SOX5: variants seen among roughly 807,000 people sequenced by gnomAD.
SOX5 encodes SRY-box transcription factor 5.
In SOX5, 9 loss-of-function variants were observed where a neutral mutation model predicts 92.0. The ratio of observed to expected loss-of-function variants is 0.10; its 90% CI spans 0.06 to 0.17. The LOEUF (loss-of-function observed/expected upper bound fraction) is 0.17, where lower values mean the gene tolerates loss of function less well. Among genes scored for constraint, SOX5 ranks in the 10% least tolerant of loss-of-function variants. The pLI, the probability that SOX5 is intolerant of heterozygous loss-of-function variation, is 1.00. For missense variants in SOX5, 642 were observed against 944.5 expected (o/e 0.68, Z 4.20); for synonymous variants, 344 against 336.3 (o/e 1.02, Z -0.25).
chr12:23,773,436 A>G (rs2094998794), intron 3 of SOX5, among the ~76,000 whole-genome samples: 1 of 152,146 alleles, frequency 6.6e-6, no homozygotes, highest in Non-Finnish European at 1.5e-5. Context: ...CAGTGGCACA[A>G]TCTCGGCTCG....
rs116815423 is a variant in SOX5 at position 24,387,429 on chromosome 12, G to A, written c.-250-18790C>T. On this transcript the variant is annotated intron_variant, in intron 1 of 4. Transcript: ENST00000446891. ...TATGTGTGACCCAAGACAATTCTTC[G>A]TTTTCCAGTATGACCCAGGGAAGCC... is the stretch of plus-strand genomic sequence containing the variant. Among the ~76,000 whole-genome samples the A allele has an allele frequency of 1.9e-3, 291 of 152,150 alleles. 1 individual carries two copies. Among genetic ancestry groups the A allele is most frequent in the African/African-American group, 6.8e-3 (284 of 41,536 alleles).
intron 4 of SOX5, among the ~76,000 whole-genome samples, chr12:24,015,387 A>T (rs1283356565): frequency 1.3e-5 from 2 of 152,170 alleles, no homozygotes; most frequent in African/African-American, 4.8e-5. Context: ...AAATAATGAC[A>T]TACCTCAGCA....
intron 6 of SOX5, among the ~76,000 whole-genome samples, chr12:23,670,432 G>A (rs541526557): frequency 2.4e-4 from 37 of 152,186 alleles, no homozygotes; most frequent in Non-Finnish European, 4.4e-4. Flanking sequence ...TCAGGTAGCA[G>A]GGTTCTGAGC....
chr12:23,781,158 C>T (rs1390731429), intron 3 of SOX5, among the ~76,000 whole-genome samples: 1 of 152,002 alleles, frequency 6.6e-6, no homozygotes, highest in Non-Finnish European at 1.5e-5. Flanking sequence ...GGCACGGTAT[C>T]AAAGGTAAGG....
At chr12:24,271,630 G>T (rs1047981455) in intron 3 of SOX5, among the ~76,000 whole-genome samples, 1 of 152,062 alleles carries the variant, frequency 6.6e-6, no homozygotes, top group Non-Finnish European at 1.5e-5. Context: ...TTAGGTTTCG[G>T]CCAACTAAAA....
intron 3 of SOX5, among the ~76,000 whole-genome samples, chr12:24,224,337 T>C (rs1961343205): frequency 6.6e-6 from 1 of 152,038 alleles, no homozygotes; most frequent in Non-Finnish European, 1.5e-5. Context: ...TTTTTTCTTT[T>C]TTTCTTTCTT....
At chr12:23,949,446 C>T in intron 1 of SOX5, 118 bp downstream of exon 1, 1 of 1,223,346 alleles carries the variant, frequency 8.2e-7, no homozygotes, top group Non-Finnish European at 1.2e-6. Flanking sequence ...TGCAGAAGCC[C>T]TAGCTAAAGG....
chr12:24,355,335 T>G (rs1954701894), intron 2 of SOX5, among the ~76,000 whole-genome samples: 3 of 109,096 alleles, frequency 2.7e-5, no homozygotes, highest in African/African-American at 1.0e-4. Flanking sequence ...TGAGATGGAG[T>G]CTCGCTCTGT....
chr12:24,049,260 G>A (rs1029307672), intron 4 of SOX5, among the ~76,000 whole-genome samples: 3 of 152,138 alleles, frequency 2.0e-5, no homozygotes, highest in African/African-American at 7.2e-5. Flanking sequence ...TGAAAGGGTT[G>A]AAAAGATATC....
intron 7 of SOX5, among the ~76,000 whole-genome samples, chr12:23,658,938 A>G (rs2082673390): frequency 6.6e-6 from 1 of 152,134 alleles, no homozygotes; most frequent in Non-Finnish European, 1.5e-5. Flanking sequence ...CAGAAGCCTA[A>G]AGACATGATT....
intron 9 of SOX5, among the ~76,000 whole-genome samples, chr12:23,594,748 C>T (rs867706067): frequency 6.6e-6 from 1 of 152,108 alleles, no homozygotes; most frequent in African/African-American, 2.4e-5. Context: ...CCCAACCTGA[C>T]TCTTTATCAT....
chr12:23,584,972 C>T (rs1445978458), intron 9 of SOX5, among the ~76,000 whole-genome samples: 1 of 151,798 alleles, frequency 6.6e-6, no homozygotes, highest in African/African-American at 2.4e-5. Flanking sequence ...TCTTTACACC[C>T]ACATATACCT....
intron 1 of SOX5, among the ~76,000 whole-genome samples, chr12:24,454,275 T>C (rs1056950358): frequency 2.6e-5 from 4 of 152,206 alleles, no homozygotes; most frequent in African/African-American, 9.6e-5. Context: ...TCTAAAGTGA[T>C]CCAGCATCAC....
intron 3 of SOX5, among the ~76,000 whole-genome samples, chr12:24,272,990 TG>T (rs1197869395): frequency 6.6e-6 from 1 of 152,172 alleles, no homozygotes; most frequent in African/African-American, 2.4e-5. Context: ...CCCAGCACTT[TG>T]GGATGCCAAG....
At chr12:23,680,912 T>TA (rs1442762532) in intron 6 of SOX5, among the ~76,000 whole-genome samples, 3 of 151,944 alleles carry the variant, frequency 2.0e-5, no homozygotes, top group South Asian at 2.1e-4. Context: ...TGATTTTCCA[T>TA]AAAAAATAGT....
intron 1 of SOX5, among the ~76,000 whole-genome samples, chr12:23,897,562 A>C (rs998792705): frequency 2.6e-5 from 4 of 152,164 alleles, no homozygotes; most frequent in African/African-American, 9.6e-5. Flanking sequence ...ATACACAGTC[A>C]ATATATAATA....
chr12:24,360,383 A>AT (rs1167990435), intron 2 of SOX5, among the ~76,000 whole-genome samples: 1 of 152,184 alleles, frequency 6.6e-6, no homozygotes, highest in Non-Finnish European at 1.5e-5. Context: ...TATTTGATGA[A>AT]TAGTCCTTAT....
chr12:23,857,471 T>C (rs575356893), intron 2 of SOX5, among the ~76,000 whole-genome samples: 1 of 152,326 alleles, frequency 6.6e-6, no homozygotes, highest in East Asian at 1.9e-4. Flanking sequence ...CTGTCATCTG[T>C]GATTATCAAC....
At chr12:23,672,600 A>G (rs1393404659) in intron 6 of SOX5, among the ~76,000 whole-genome samples, 1 of 152,132 alleles carries the variant, frequency 6.6e-6, no homozygotes, top group Admixed American at 6.6e-5. Flanking sequence ...AACTACTACT[A>G]CAATAATACC....
Sources: allele counts gnomAD v4.1 joint callset (sites outside exome capture counted in the v4.1 genomes callset), GRCh38; gene constraint gnomAD v4.1.1; transcripts MANE v1.5; gene names NCBI Gene and HGNC (gene_info 2026-07-23, HGNC 2026-07-21).